GRM7: variants seen among roughly 807,000 people sequenced by gnomAD.
The protein encoded by GRM7 is metabotropic glutamate receptor 7.
Under a neutral mutation model 84.5 loss-of-function variants are expected in GRM7, and 35 were observed. The observed-to-expected ratio is 0.41, with a 90% confidence interval of 0.32 to 0.55. GRM7 has a LOEUF of 0.55. Ranked by LOEUF, GRM7 falls within the 20% of genes least tolerant of loss-of-function variation. GRM7 has a pLI of 0.19. For synonymous variants in GRM7, 487 were observed against 455.1 expected, an observed-to-expected ratio of 1.07 and a Z score of -0.89; for missense variants, 1,003 against 1,194.6, an observed-to-expected ratio of 0.84 and a Z score of 2.36.
intron 9 of GRM7, among the ~76,000 whole-genome samples, chr3:7,726,976 C>A (rs964211555): frequency 1.3e-5 from 2 of 151,760 alleles, no homozygotes; most frequent in African/African-American, 4.8e-5. Context: ...TCTTTTACAG[C>A]GTTGAAATAT....
intron 2 of GRM7, among the ~76,000 whole-genome samples, chr3:7,249,476 TGG>T (rs1394899061): frequency 6.6e-6 from 1 of 152,166 alleles, no homozygotes; most frequent in Non-Finnish European, 1.5e-5. Flanking sequence ...CATGGAAATG[TGG>T]GTAGGAAATA....
intron 7 of GRM7, among the ~76,000 whole-genome samples, chr3:7,568,767 T>A (rs1465661786): frequency 6.6e-6 from 1 of 151,868 alleles, no homozygotes; most frequent in Non-Finnish European, 1.5e-5. Flanking sequence ...GTGTACTGGG[T>A]CCCCCAACAG....
chr3:7,179,568 G>T (rs1213219921), intron 2 of GRM7, among the ~76,000 whole-genome samples: 1 of 152,204 alleles, frequency 6.6e-6, no homozygotes, highest in Non-Finnish European at 1.5e-5. Context: ...CTTAAAAAAG[G>T]TGGTTGATTT....
intron 4 of GRM7, 70 bp from the exon 5 acceptor site, chr3:7,414,953 T>C (rs912225921): frequency 9.0e-6 from 12 of 1,331,534 alleles, no homozygotes; most frequent in Non-Finnish European, 1.1e-5. Flanking sequence ...AAAAAGTCAC[T>C]TTTATTTTTA....
intron 1 of GRM7, among the ~76,000 whole-genome samples, chr3:7,011,142 C>G (rs961727962): frequency 6.6e-6 from 1 of 152,012 alleles, no homozygotes; most frequent in African/African-American, 2.4e-5. Flanking sequence ...TAATGGGGGA[C>G]AGGGGACAAA....
rs3030888 is a variant in GRM7 at position 7,338,143 on chromosome 3, C to CA, written c.1033+31491_1033+31492insA. Reference sequence around the variant, plus strand: ...ACACACACACACACACACACACACACCCCATGGAATACTATTCAGCCATCA... The same window carrying CA: ...ACACACACACACACACACACACACACACCCATGGAATACTATTCAGCCATCA... On this transcript the variant is annotated intron_variant, in intron 4 of 9. Coordinates refer to ENST00000357716, the MANE Select transcript of GRM7 (RefSeq NM_000844.4). Among the ~76,000 whole-genome samples, 14 of 149,334 alleles carry CA rather than the reference C, an allele frequency of 9.4e-5. No individual in the cohort carries two copies. In the South Asian group the frequency reaches 1.1e-3, roughly 11 times the overall value.
intron 9 of GRM7, among the ~76,000 whole-genome samples, chr3:7,683,937 A>C (rs199718126): frequency 8.7e-4 from 1 of 1,152 alleles, no homozygotes; most frequent in Non-Finnish European, 2.2e-3. Context: ...GACAAAGTCA[A>C]AACTCAAAGA....
intron 4 of GRM7, among the ~76,000 whole-genome samples, chr3:7,381,706 G>A (rs1487969583): frequency 6.6e-6 from 1 of 152,164 alleles, no homozygotes; most frequent in African/African-American, 2.4e-5. Context: ...AACATTAAAT[G>A]TGATAATGTA....
chr3:7,228,109 G>A (rs1697041382), intron 2 of GRM7, among the ~76,000 whole-genome samples: 1 of 152,158 alleles, frequency 6.6e-6, no homozygotes, highest in South Asian at 2.1e-4. Flanking sequence ...TAAATCTGGT[G>A]AGTGAAGTTT....
intron 8 of GRM7, among the ~76,000 whole-genome samples, chr3:7,643,597 C>T (rs1428602267): frequency 2.0e-5 from 3 of 152,178 alleles, no homozygotes; most frequent in African/African-American, 2.4e-5. Flanking sequence ...GTTAGGGACT[C>T]TATCTTAAAT....
intron 1 of GRM7, among the ~76,000 whole-genome samples, chr3:6,969,839 G>A (rs145065035): frequency 1.6e-4 from 25 of 152,268 alleles, no homozygotes; most frequent in African/African-American, 5.8e-4. Context: ...TTGACACATC[G>A]TATGTTCCCA....
At chr3:7,229,759 A>T (rs956349426) in intron 2 of GRM7, among the ~76,000 whole-genome samples, 3,503 of 30,030 alleles carry the variant, frequency 0.12, 378 homozygotes, top group African/African-American at 0.2. Flanking sequence ...ATATATATAT[A>T]TTTTTTTTTT....
At chr3:7,110,293 A>G (rs918398606) in intron 1 of GRM7, among the ~76,000 whole-genome samples, 4 of 152,198 alleles carry the variant, frequency 2.6e-5, no homozygotes, top group Middle Eastern at 3.4e-3. Flanking sequence ...ATAGGAAACT[A>G]TAATGTAAAA....
intron 1 of GRM7, among the ~76,000 whole-genome samples, chr3:7,029,012 A>G (rs890332750): frequency 2.0e-5 from 3 of 152,162 alleles, no homozygotes; most frequent in African/African-American, 7.2e-5. Flanking sequence ...TCAAATTACC[A>G]CATGATTAGG....
At chr3:7,285,358 C>A (rs1374385357) in intron 2 of GRM7, among the ~76,000 whole-genome samples, 1 of 152,068 alleles carries the variant, frequency 6.6e-6, no homozygotes, top group Non-Finnish European at 1.5e-5. Flanking sequence ...CCGTTTATTG[C>A]CTGATCATTC....
chr3:7,516,339 T>A (rs1389017462), intron 7 of GRM7, among the ~76,000 whole-genome samples: 1 of 148,860 alleles, frequency 6.7e-6, no homozygotes, highest in Admixed American at 6.6e-5. Context: ...TAGCCAGGCG[T>A]GGTGGTGTGC....
chr3:7,204,840 G>C (rs11718595), intron 2 of GRM7, among the ~76,000 whole-genome samples: 40,343 of 152,126 alleles, frequency 0.27, 6,614 homozygotes, highest in Non-Finnish European at 0.38. Flanking sequence ...AAATAGCTTT[G>C]TAAGAGAAAA....
chr3:7,329,032 GC>G (rs1002679002), intron 4 of GRM7, among the ~76,000 whole-genome samples: 7 of 151,866 alleles, frequency 4.6e-5, no homozygotes, highest in African/African-American at 1.7e-4. Context: ...GCAAATCTCA[GC>G]CCCCACCCCC....
intron 1 of GRM7, among the ~76,000 whole-genome samples, chr3:6,954,077 T>C (rs542901588): frequency 6.6e-6 from 1 of 152,164 alleles, no homozygotes; most frequent in African/African-American, 2.4e-5. Context: ...ATATTATGTA[T>C]ATATAAAACA....
Sources: allele counts gnomAD v4.1 joint callset (sites outside exome capture counted in the v4.1 genomes callset), GRCh38; gene constraint gnomAD v4.1.1; transcripts MANE v1.5; gene names NCBI Gene and HGNC (gene_info 2026-07-23, HGNC 2026-07-21).